The following USP34 variants were observed in gnomAD, a reference collection of about 807,000 sequenced individuals.
USP34 encodes ubiquitin carboxyl-terminal hydrolase 34.
In USP34, 70 loss-of-function variants were observed where a neutral mutation model predicts 460.3. The ratio of observed to expected loss-of-function variants is 0.15; its 90% CI spans 0.13 to 0.19. USP34 has a LOEUF of 0.19. Among genes scored for constraint, USP34 ranks in the 10% least tolerant of loss-of-function variants. USP34 has a pLI of 1.00. For synonymous variants in USP34, 1,647 were observed against 1,405.3 expected (o/e 1.17, Z -3.85); for missense variants, 3,985 against 4,236.2 (o/e 0.94, Z 1.65).
chr2:61,261,360 A>G (rs1688872612), intron 43 of USP34, among the ~76,000 whole-genome samples: 2 of 152,260 alleles, frequency 1.3e-5, no homozygotes, highest in South Asian at 2.1e-4. Context: ...AACAGCATGG[A>G]TAACCCTTGA....
intron 41 of USP34, among the ~76,000 whole-genome samples, chr2:61,271,136 C>CAA (rs1231417421): frequency 2.0e-5 from 3 of 151,922 alleles, no homozygotes; most frequent in Non-Finnish European, 4.4e-5. Context: ...CAAAACAAAA[C>CAA]AACAACAACA....
At chr2:61,340,944 G>T (rs1181401741) in intron 16 of USP34, among the ~76,000 whole-genome samples, 1 of 148,256 alleles carries the variant, frequency 6.7e-6, no homozygotes, top group African/African-American at 2.5e-5. Flanking sequence ...TAATCAAGAT[G>T]GAGAACGTTT....
chr2:61,353,313 C>T (rs541279481), intron 10 of USP34, among the ~76,000 whole-genome samples: 7 of 150,732 alleles, frequency 4.6e-5, no homozygotes, highest in South Asian at 2.1e-4. Context: ...TTTTTTTTTG[C>T]GGAACAAAAC....
chr2:61,389,336 T>C (rs371655806), intron 5 of USP34, among the ~76,000 whole-genome samples: 10 of 152,330 alleles, frequency 6.6e-5, no homozygotes, highest in South Asian at 4.1e-4. Context: ...CGTTTCTTTA[T>C]GAATGTTATT....
At chr2:61,207,673 A>G (rs184057581) in intron 70 of USP34, 1 of 152,346 alleles carries the variant, frequency 6.6e-6, no homozygotes, top group East Asian at 1.9e-4. Flanking sequence ...GTTGCATTAA[A>G]AAAAAATTTT....
chr2:61,281,814 AT>A (rs980199692), intron 37 of USP34, among the ~76,000 whole-genome samples: 26 of 152,330 alleles, frequency 1.7e-4, no homozygotes, highest in African/African-American at 6.3e-4. Context: ...ATTTAGAATC[AT>A]TTAAGTTATT....
chr2:61,452,434 C>A (rs1283899841), intron 1 of USP34, among the ~76,000 whole-genome samples: 1 of 148,184 alleles, frequency 6.7e-6, no homozygotes, highest in Non-Finnish European at 1.5e-5. Context: ...AAGAGATTCT[C>A]GTGCCTCAGC....
intron 3 of USP34, among the ~76,000 whole-genome samples, chr2:61,397,271 T>C: frequency 6.7e-6 from 1 of 149,854 alleles, no homozygotes; most frequent in East Asian, 2.0e-4. Flanking sequence ...ACTGAAACCC[T>C]GTCTCTACTA....
At chr2:61,194,144 G>C (rs185573616) in intron 75 of USP34, 1 of 985,242 alleles carries the variant, frequency 1.0e-6, no homozygotes, top group Non-Finnish European at 1.2e-6. Flanking sequence ...AGGCAAGTCA[G>C]GTCACTCACT....
chr2:61,386,451 T>C (rs1248563192), intron 5 of USP34, among the ~76,000 whole-genome samples: 2 of 152,144 alleles, frequency 1.3e-5, no homozygotes, highest in African/African-American at 4.8e-5. Flanking sequence ...AAAGCAATAA[T>C]ACTTGTTTCC....
chr2:61,216,582 T>A (rs1205873063), intron 67 of USP34, among the ~76,000 whole-genome samples: 2 of 150,856 alleles, frequency 1.3e-5, no homozygotes, highest in Admixed American at 6.6e-5. Flanking sequence ...CCTGGGTGAC[T>A]GAGTGAGACT....
Position 61,380,193 on chromosome 2 carries a change from C to T in USP34, c.990G>A (p.Arg330=), listed in dbSNP as rs1437949482. 4 of 1,613,410 alleles carry T rather than the reference C, an allele frequency of 2.5e-6. No individual in the cohort carries two copies. Among genetic ancestry groups the T allele is most frequent in the Non-Finnish European group, 3.4e-6 (4 of 1,179,628 alleles). The change falls in exon 7 of 80, where the codon AGG becomes AGA. Residue 330 remains arginine (R), a synonymous_variant. Transcript: ENST00000398571. The part of the protein sequence containing the change: ...KYFMSPTLTM[R]LAGLSQITNQ... ...CTGTTATCTGACTCAATCCAGCCAA[C>T]CTCATAGTCAAAGTAGGTGACATAA... is the stretch of plus-strand genomic sequence containing the variant.
In USP34 at chr2:61,236,063, G is replaced by C. The variant is rs370055993; in HGVS notation, c.6929C>G (p.Ser2310Cys). The C allele has an allele frequency of 6.2e-7, 1 of 1,606,580 alleles. No individual in the cohort carries two copies. The highest frequency in any genetic ancestry group is 1.3e-5 in the African/African-American group (1 of 74,218). Residue 2310 changes from serine (S) to cysteine (C), a missense_variant, in exon 56 of 80, where the codon TCC (serine) becomes TGC (cysteine). Transcript: ENST00000398571. ...VSLMTAKLST[S>C]FVLETFIHSK... is the part of the protein sequence containing the mutation. ...ATGAATAAATGTCTCTAGGACAAAG[G>C]AAGTGCTTAACTGTAAGAAAAGATA...
chr2:61,219,021 G>A (rs1224580698), intron 67 of USP34, among the ~76,000 whole-genome samples: 1 of 152,130 alleles, frequency 6.6e-6, no homozygotes, highest in Non-Finnish European at 1.5e-5. Flanking sequence ...GGGGAGATGT[G>A]TACATATATT....
intron 70 of USP34, chr2:61,208,594 C>T (rs1687186655): frequency 1.2e-5 from 2 of 171,524 alleles, no homozygotes; most frequent in African/African-American, 4.7e-5. Context: ...TATGTGTGCC[C>T]TTAATGAAAT....
chr2:61,358,708 A>G (rs932733406), intron 10 of USP34, among the ~76,000 whole-genome samples: 4 of 152,208 alleles, frequency 2.6e-5, no homozygotes, highest in Non-Finnish European at 5.9e-5. Flanking sequence ...AATCATATAC[A>G]TATAGAAAAT....
chr2:61,421,774 AAC>A (rs34490089), intron 1 of USP34, among the ~76,000 whole-genome samples: 25,710 of 148,894 alleles, frequency 0.17, 2,292 homozygotes, highest in Admixed American at 0.23. Flanking sequence ...TTACATTTAA[AAC>A]ACACACACAC....
chr2:61,295,851 A>G (rs778210465), intron 30 of USP34, among the ~76,000 whole-genome samples: 3 of 152,244 alleles, frequency 2.0e-5, no homozygotes, highest in Admixed American at 6.5e-5. Flanking sequence ...AAATCACATG[A>G]TAATGTTCCA....
intron 53 of USP34, among the ~76,000 whole-genome samples, chr2:61,241,063 G>A (rs971705328): frequency 3.3e-5 from 5 of 151,678 alleles, no homozygotes; most frequent in South Asian, 4.2e-4. Flanking sequence ...AAATTTTTTT[G>A]AGATGGAGTC....
Sources: allele counts gnomAD v4.1 joint callset (sites outside exome capture counted in the v4.1 genomes callset), GRCh38; gene constraint gnomAD v4.1.1; transcripts MANE v1.5; gene names NCBI Gene and HGNC (gene_info 2026-07-23, HGNC 2026-07-21).